Variants in ZBTB8A observed in about 807,000 individuals in gnomAD.
The protein encoded by ZBTB8A is zinc finger and BTB domain-containing protein 8A.
ZBTB8A carries 19 observed loss-of-function variants against 37.8 expected under a neutral mutation model. The ratio of observed to expected loss-of-function variants is 0.50; its 90% CI spans 0.35 to 0.74. ZBTB8A has a LOEUF of 0.74. Ranked by LOEUF, ZBTB8A falls within the 30% of genes least tolerant of loss-of-function variation. The probability of loss-of-function intolerance (pLI) is 0.01; values close to 1 mark genes in which losing one functional copy is unlikely to be tolerated. For synonymous variants in ZBTB8A, 181 were observed against 185.2 expected, an observed-to-expected ratio of 0.98 and a Z score of 0.19; for missense variants, 394 against 537.8, an observed-to-expected ratio of 0.73 and a Z score of 2.65.
intron 2 of ZBTB8A, among the ~76,000 whole-genome samples, chr1:32,577,845 A>G (rs905971672): frequency 6.6e-6 from 1 of 151,554 alleles, no homozygotes; most frequent in Non-Finnish European, 1.5e-5. Flanking sequence ...AGCCTCCCAA[A>G]ATACTGGGAT....
Position 32,601,566 on chromosome 1 carries a change from C to T in ZBTB8A, c.*1147C>T. ...TGCTATATTATTTATAAAGTACTCT[C>T]TCATGTATTTTCTCAGTGAGGTGGA... is the stretch of plus-strand genomic sequence containing the variant. On this transcript the variant is annotated 3_prime_UTR_variant, in exon 5 of 5. Coordinates refer to ENST00000373510, the MANE Select transcript of ZBTB8A (RefSeq NM_001040441.3). The T allele has an allele frequency of 5.0e-6, 2 of 398,462 alleles. No homozygotes were observed. The highest frequency in any genetic ancestry group is 8.8e-6 in the Non-Finnish European group (2 of 226,036). The allele number at this position is 398,462 out of a possible 1,614,324, so 24.7% of individuals were successfully genotyped here. A position where few individuals can be genotyped will look rare whatever the true frequency, so the allele number is the denominator to read the frequency against.
chr1:32,555,360 G>A (rs1342651822), intron 2 of ZBTB8A, among the ~76,000 whole-genome samples: 1 of 152,082 alleles, frequency 6.6e-6, no homozygotes, highest in Non-Finnish European at 1.5e-5. Context: ...CTGCACTCCA[G>A]CCTGGGCGAC....
In ZBTB8A at chr1:32,603,337, C is replaced by A. The variant is rs1457575213; in HGVS notation, c.*2918C>A. 6.6e-6 allele frequency: 1 copy of A among 152,160 alleles called. No individual in the cohort carries two copies. The highest frequency in any genetic ancestry group is 1.5e-5 in the Non-Finnish European group (1 of 68,060). The allele number at this position is 152,160 out of a possible 1,614,324, so 9.4% of individuals were successfully genotyped here. A position where few individuals can be genotyped will look rare whatever the true frequency, so the allele number is the denominator to read the frequency against. On this transcript the variant is annotated 3_prime_UTR_variant, in exon 5 of 5. Transcript: ENST00000373510. ...TAGAGACAGGGTTTCGCTATGTTGG[C>A]CAGGCTGGTCTCGAACTCCTGACCT...
At chr1:32,551,152 T>C (rs57273223) in intron 1 of ZBTB8A, among the ~76,000 whole-genome samples, 20,199 of 152,088 alleles carry the variant, frequency 0.13, 1,579 homozygotes, top group African/African-American at 0.23. Flanking sequence ...TTCTCAAAAA[T>C]TATTAATTTT....
intron 2 of ZBTB8A, among the ~76,000 whole-genome samples, chr1:32,589,215 T>G (rs1644470370): frequency 6.6e-6 from 1 of 152,082 alleles, no homozygotes; most frequent in Non-Finnish European, 1.5e-5. Context: ...AGTCTTGTTG[T>G]GTCACCCAGG....
At chr1:32,553,110 C>T (rs2148218488) in intron 1 of ZBTB8A, among the ~76,000 whole-genome samples, 1 of 151,388 alleles carries the variant, frequency 6.6e-6, no homozygotes, top group South Asian at 2.1e-4. Flanking sequence ...CCCAGGCTGG[C>T]ATGCAGTGGC....
chr1:32,600,471 T>TGTATCTCTCTCTTTCTATGGTCG lies in ZBTB8A; in HGVS notation c.*54_*76dup, dbSNP rs1557720387. ...ATGTCTGCAATTTACATTGACTTCC[T>TGTATCTCTCTCTTTCTATGGTCG]GTATCTCTCTCTTTCTATGGTCGGA... On this transcript the variant is annotated 3_prime_UTR_variant, in exon 5 of 5. Transcript: ENST00000373510. 4 of 1,323,252 alleles carry TGTATCTCTCTCTTTCTATGGTCG rather than the reference T, an allele frequency of 3.0e-6. No individual in the cohort carries two copies. The South Asian group carries it at 5.3e-5, about 18-fold the overall frequency. The allele number at this position is 1,323,252 out of a possible 1,614,324, so 82.0% of individuals were successfully genotyped here. A position where few individuals can be genotyped will look rare whatever the true frequency, so the allele number is the denominator to read the frequency against.
At chr1:32,582,042 T>C (rs1012752896) in intron 2 of ZBTB8A, among the ~76,000 whole-genome samples, 2 of 152,070 alleles carry the variant, frequency 1.3e-5, no homozygotes, top group African/African-American at 4.8e-5. Context: ...GCATTATTTA[T>C]CATATCAAAA....
In ZBTB8A at chr1:32,600,466, CT is replaced by C; in HGVS notation, c.*49del. On this transcript the variant is annotated 3_prime_UTR_variant, in exon 5 of 5. Coordinates refer to ENST00000373510, the MANE Select transcript of ZBTB8A (RefSeq NM_001040441.3). ...CTGGCATGTCTGCAATTTACATTGA[CT>C]TCCTGTATCTCTCTCTTTCTATGGT... 1 of 1,344,086 alleles carries C rather than the reference CT, an allele frequency of 7.4e-7. No individual in the cohort carries two copies. Among genetic ancestry groups the C allele is most frequent in the Admixed American group, 1.9e-5 (1 of 51,450 alleles). 83.3% of individuals were successfully genotyped at this position (1,344,086 alleles called of 1,614,324 possible).
chr1:32,540,258 A>G (rs1199555185), intron 1 of ZBTB8A, among the ~76,000 whole-genome samples: 1 of 151,938 alleles, frequency 6.6e-6, no homozygotes, highest in Non-Finnish European at 1.5e-5. Flanking sequence ...TCCCCTTCAG[A>G]TGCGCTTATG....
intron 2 of ZBTB8A, among the ~76,000 whole-genome samples, chr1:32,588,089 C>G (rs1644462338): frequency 1.3e-5 from 2 of 152,078 alleles, no homozygotes; most frequent in Admixed American, 1.3e-4. Flanking sequence ...TCATCTGTAT[C>G]CTTTGTAATA....
At chr1:32,566,454 A>G (rs1450879323) in intron 2 of ZBTB8A, among the ~76,000 whole-genome samples, 1 of 150,164 alleles carries the variant, frequency 6.7e-6, no homozygotes, top group Non-Finnish European at 1.5e-5. Flanking sequence ...GAGCCTGGGA[A>G]GTCAAGACTG....
chr1:32,585,081 A>T (rs889329662), intron 2 of ZBTB8A, among the ~76,000 whole-genome samples: 12 of 130,368 alleles, frequency 9.2e-5, no homozygotes, highest in African/African-American at 3.0e-4. Flanking sequence ...CTCAGGCAGG[A>T]GTGCAGTGGC....
At chr1:32,599,994 T>C in intron 4 of ZBTB8A, 93 bp from the exon 5 acceptor site, 3 of 999,062 alleles carry the variant, frequency 3.0e-6, no homozygotes, top group Non-Finnish European at 4.4e-6. Flanking sequence ...ATGCATGGCT[T>C]TGAACATCTT....
chr1:32,559,025 C>T (rs1308745050), intron 2 of ZBTB8A, among the ~76,000 whole-genome samples: 1 of 152,182 alleles, frequency 6.6e-6, no homozygotes, highest in African/African-American at 2.4e-5. Flanking sequence ...GGTTTAGATT[C>T]ACTTTGATGG....
At chr1:32,586,016 A>G (rs1055097922) in intron 2 of ZBTB8A, among the ~76,000 whole-genome samples, 1 of 141,842 alleles carries the variant, frequency 7.1e-6, no homozygotes, top group African/African-American at 2.7e-5. Flanking sequence ...AAACAAAAAC[A>G]AAAAAAAAGA....
chr1:32,590,361 G>A (rs962098824), intron 2 of ZBTB8A, among the ~76,000 whole-genome samples: 1 of 152,012 alleles, frequency 6.6e-6, no homozygotes, highest in Admixed American at 6.6e-5. Context: ...CCTACCCAGG[G>A]CCCTGCAAAG....
Position 32,601,423 on chromosome 1 carries a change from G to A in ZBTB8A, c.*1004G>A, listed in dbSNP as rs992678986. 15 of 358,960 alleles carry A rather than the reference G, an allele frequency of 4.2e-5. No homozygotes were observed. Among genetic ancestry groups the A allele is most frequent in the East Asian group, 1.6e-4 (4 of 24,938 alleles). 22.2% of individuals were successfully genotyped at this position (358,960 alleles called of 1,614,324 possible). Reference sequence around the variant, plus strand: ...TGGAAGGCAGAAGTTGCAGTGAGCCGAGATCACACCATTGCACTCCAGCCT... The same window carrying A: ...TGGAAGGCAGAAGTTGCAGTGAGCCAAGATCACACCATTGCACTCCAGCCT... On this transcript the variant is annotated 3_prime_UTR_variant, in exon 5 of 5. Transcript: ENST00000373510.
intron 1 of ZBTB8A, among the ~76,000 whole-genome samples, chr1:32,541,223 T>G (rs1315677365): frequency 1.3e-5 from 2 of 152,208 alleles, no homozygotes; most frequent in Non-Finnish European, 2.9e-5. Flanking sequence ...TTACGCAGTT[T>G]AAAAGCCAAA....
Sources: allele counts gnomAD v4.1 joint callset (sites outside exome capture counted in the v4.1 genomes callset), GRCh38; gene constraint gnomAD v4.1.1; transcripts MANE v1.5; gene names NCBI Gene and HGNC (gene_info 2026-07-23, HGNC 2026-07-21).